The following UNC13A variants were observed in gnomAD, a reference collection of about 807,000 sequenced individuals.
The protein encoded by UNC13A is protein unc-13 homolog A.
In UNC13A, 61 loss-of-function variants were observed where a neutral mutation model predicts 219.7. That is an observed-to-expected ratio of 0.28 (90% CI 0.23 to 0.34). The LOEUF (loss-of-function observed/expected upper bound fraction) is 0.34. Ranked by LOEUF, UNC13A falls within the 10% of genes least tolerant of loss-of-function variation. The pLI is 1.00. For missense variants in UNC13A, 1,476 were observed against 2,270.3 expected, an observed-to-expected ratio of 0.65 and a Z score of 7.11; for synonymous variants, 920 against 884.6, an observed-to-expected ratio of 1.04 and a Z score of -0.71.
chr19:17,608,376 G>GT (rs982401731), intron 43 of UNC13A, among the ~76,000 whole-genome samples: 1 of 86,378 alleles, frequency 1.2e-5, no homozygotes, highest in Non-Finnish European at 2.2e-5. Flanking sequence ...TATTATATAT[G>GT]TATATAAATA....
chr19:17,649,301 G>A lies in UNC13A; in HGVS notation c.1524+38C>T. ...AGAAGATCCCAGTGGGGGAGTTTGG[G>A]GAGAAGATCCCAAGAGGCCCATGTC... On this transcript the variant is annotated intron_variant, in intron 14 of 43. Coordinates refer to ENST00000519716, the MANE Select transcript of UNC13A (RefSeq NM_001080421.3). The surrounding 1 kb of genome is among the most constrained non-coding windows in gnomAD (Gnocchi z 4.4). The A allele has an allele frequency of 6.4e-7, 1 of 1,560,554 alleles. No individual in the cohort carries two copies. The highest frequency in any genetic ancestry group is 8.6e-7 in the Non-Finnish European group (1 of 1,159,656).
intron 41 of UNC13A, among the ~76,000 whole-genome samples, chr19:17,613,142 G>C (rs774485738): frequency 3.9e-5 from 6 of 152,032 alleles, no homozygotes; most frequent in Non-Finnish European, 5.9e-5. Context: ...TGAGACAGGA[G>C]AATCACTTGA....
intron 4 of UNC13A, among the ~76,000 whole-genome samples, chr19:17,670,982 A>G (rs1453544833): frequency 6.6e-6 from 1 of 151,670 alleles, no homozygotes; most frequent in Non-Finnish European, 1.5e-5. Flanking sequence ...CGAACAAACA[A>G]AAAACAGTCC....
At chr19:17,679,870 C>T (rs1441576844) in intron 1 of UNC13A, among the ~76,000 whole-genome samples, 2 of 152,150 alleles carry the variant, frequency 1.3e-5, no homozygotes, top group African/African-American at 2.4e-5. Context: ...CCTGCAGCCT[C>T]TCTTGGCTAG....
chr19:17,648,196 C>G (rs2079277164), intron 16 of UNC13A, among the ~76,000 whole-genome samples: 1 of 150,718 alleles, frequency 6.6e-6, no homozygotes, highest in Non-Finnish European at 1.5e-5. Context: ...CTCTCTGACA[C>G]CCTCACAGCT....
intron 38 of UNC13A, among the ~76,000 whole-genome samples, chr19:17,620,041 G>A (rs181743131): frequency 6.6e-6 from 1 of 152,346 alleles, no homozygotes; most frequent in Admixed American, 6.5e-5. Flanking sequence ...AATGCTAAGG[G>A]AGACGGGGTC....
chr19:17,682,034 C>T (rs1051374815), intron 1 of UNC13A, among the ~76,000 whole-genome samples: 3 of 151,742 alleles, frequency 2.0e-5, no homozygotes, highest in Admixed American at 6.6e-5. Context: ...CTCACTGCAA[C>T]CTCCGCCTTC....
Position 17,607,733 on chromosome 19 carries a change from G to A in UNC13A, c.4812-1379C>T, listed in dbSNP as rs562108230. Among the ~76,000 whole-genome samples the A allele has an allele frequency of 4.6e-5, 7 of 151,684 alleles. No individual in the cohort carries two copies. In the East Asian group the frequency reaches 1.4e-3, roughly 30 times the overall value. On this transcript the variant is annotated intron_variant, in intron 43 of 43. Transcript: ENST00000519716. ...CAGGTAGCTGGGACTACTTTCTTCT[G>A]CACTTCTGTCTCCTAAGAACATCCA...
chr19:17,675,946 A>T, intron 2 of UNC13A, 66 bp downstream of exon 2: 1 of 1,533,574 alleles, frequency 6.5e-7, no homozygotes. Context: ...ACCCCCTCCC[A>T]GTCTCTCCAA....
rs763957495 is a variant in UNC13A, at chr19:17,641,566, T to C, written c.2473-10A>G. The C allele has an allele frequency of 2.1e-5, 34 of 1,613,720 alleles. 1 individual carries two copies. In the South Asian group the frequency reaches 3.5e-4, roughly 17 times the overall value. ...CGAAGTGGAACAGGTTCTGCCACCA[T>C]GGGAGAGAAAGTGTCATGGAGAGTG... is the stretch of plus-strand genomic sequence containing the variant. On this transcript the variant is annotated splice_polypyrimidine_tract_variant and intron_variant, in intron 20 of 43. Coordinates refer to ENST00000519716, the MANE Select transcript of UNC13A (RefSeq NM_001080421.3).
intron 8 of UNC13A, among the ~76,000 whole-genome samples, chr19:17,662,641 C>T (rs1216836171): frequency 6.6e-6 from 1 of 152,098 alleles, no homozygotes; most frequent in African/African-American, 2.4e-5. Flanking sequence ...TTAATTAGGG[C>T]CAGGTGCCAT....
chr19:17,674,560 C>T lies in UNC13A; in HGVS notation c.152+97G>A, dbSNP rs2079859393. The stretch of plus-strand genomic sequence containing the variant: ...GGGAAGAGGGAGGACAGAGGGGAGT[C>T]ACCCGGGATTCCCCAGTGTCCAGCT... On this transcript the variant is annotated intron_variant, in intron 3 of 43. Coordinates refer to ENST00000519716, the MANE Select transcript of UNC13A (RefSeq NM_001080421.3). The surrounding 1 kb of genome is among the most constrained non-coding windows in gnomAD (Gnocchi z 5.0). 1 of 1,047,914 alleles carries T rather than the reference C, an allele frequency of 9.5e-7. No homozygotes were observed. Among genetic ancestry groups the T allele is most frequent in the South Asian group, 1.3e-5 (1 of 74,710 alleles). 64.9% of individuals were successfully genotyped at this position (1,047,914 alleles called of 1,614,324 possible).
chr19:17,671,216 A>G (rs1264780461), intron 4 of UNC13A, among the ~76,000 whole-genome samples: 2 of 152,070 alleles, frequency 1.3e-5, no homozygotes, highest in Non-Finnish European at 2.9e-5. Context: ...GGGAATTTAG[A>G]AGGTGATGGA....
At chr19:17,640,381 A>G in intron 22 of UNC13A, 130 bp downstream of exon 22, 1 of 1,256,190 alleles carries the variant, frequency 8.0e-7, no homozygotes, top group Non-Finnish European at 1.1e-6. Context: ...GGAGGCTCAG[A>G]GACGGGAAGT....
intron 3 of UNC13A, 130 bp from the exon 4 acceptor site, chr19:17,672,625 G>A (rs2079812026): frequency 1.5e-6 from 1 of 648,762 alleles, no homozygotes; most frequent in African/African-American, 1.8e-5. Context: ...TGTCCTAGGT[G>A]GTAGGGTAAC....
chr19:17,614,886 G>A (rs2076646057), intron 41 of UNC13A, among the ~76,000 whole-genome samples: 1 of 152,180 alleles, frequency 6.6e-6, no homozygotes, highest in African/African-American at 2.4e-5. Flanking sequence ...CTGGGGTGCC[G>A]GGGGTGCCAG....
In UNC13A at chr19:17,602,839, A is replaced by G. The variant is rs1315665246; in HGVS notation, c.*3215T>C. On this transcript the variant is annotated 3_prime_UTR_variant, in exon 44 of 44. Coordinates refer to ENST00000519716, the MANE Select transcript of UNC13A (RefSeq NM_001080421.3). ...TCTCACACTGACCCTGCCCCAATAC[A>G]TAATTCCACTAGGCGTAGACTCCCT... 1.3e-5 allele frequency: 2 copies of G among 152,198 alleles called. No individual in the cohort carries two copies. The highest frequency in any genetic ancestry group is 4.8e-5 in the African/African-American group (2 of 41,424). 9.4% of individuals were successfully genotyped at this position (152,198 alleles called of 1,614,324 possible).
At chr19:17,670,907 G>GTAAAAA (rs2079772638) in intron 4 of UNC13A, among the ~76,000 whole-genome samples, 1 of 128,564 alleles carries the variant, frequency 7.8e-6, no homozygotes, top group South Asian at 2.7e-4. Flanking sequence ...CCATCTCACA[G>GTAAAAA]TAAAATAAAA....
chr19:17,665,481 C>T (rs1486328072), intron 7 of UNC13A, among the ~76,000 whole-genome samples: 1 of 152,084 alleles, frequency 6.6e-6, no homozygotes, highest in Non-Finnish European at 1.5e-5. Flanking sequence ...GGAAGAGGAA[C>T]GTGATCATCA....
Sources: gnomAD v4.1 joint callset for allele counts (sites outside exome capture counted in the v4.1 genomes callset) on GRCh38, gnomAD v4.1.1 for gene constraint, Gnocchi (gnomAD v3.1) non-coding constraint, MANE v1.5 for transcripts, NCBI Gene and HGNC (gene_info 2026-07-23, HGNC 2026-07-21) for gene names.